ADAMTS16: variants seen among roughly 807,000 people sequenced by gnomAD.
The protein encoded by ADAMTS16 is A disintegrin and metalloproteinase with thrombospondin motifs 16.
In ADAMTS16, 94 loss-of-function variants were observed where a neutral mutation model predicts 145.8. The ratio of observed to expected loss-of-function variants is 0.64; its 90% CI spans 0.55 to 0.77. The LOEUF (loss-of-function observed/expected upper bound fraction) is 0.77, where lower values mean the gene tolerates loss of function less well. Among genes scored for constraint, ADAMTS16 ranks in the 30% least tolerant of loss-of-function variants. ADAMTS16 has a pLI of 0.00. For synonymous variants in ADAMTS16, 659 were observed against 604.3 expected (o/e 1.09, Z -1.33); for missense variants, 1,585 against 1,591.5 (o/e 1.00, Z 0.07).
At chr5:5,297,697 G>GTATC (rs935019732) in intron 18 of ADAMTS16, among the ~76,000 whole-genome samples, 2 of 152,196 alleles carry the variant, frequency 1.3e-5, no homozygotes, top group African/African-American at 4.8e-5. Flanking sequence ...CCTCGGAGTA[G>GTATC]TATCTCCTCC....
intron 8 of ADAMTS16, among the ~76,000 whole-genome samples, chr5:5,198,143 CAATTTCTGGACCGT>C (rs894646900): frequency 1.8e-4 from 28 of 152,176 alleles, no homozygotes; most frequent in Admixed American, 1.4e-3. Flanking sequence ...TTATCGAGGG[CAATTTCTGGACCGT>C]AATGTGTCTT....
chr5:5,267,356 C>G (rs1738279814), intron 18 of ADAMTS16, among the ~76,000 whole-genome samples: 1 of 152,186 alleles, frequency 6.6e-6, no homozygotes, highest in Non-Finnish European at 1.5e-5. Context: ...GGGTTATCGC[C>G]TTGGTGTGCT....
Position 5,287,949 on chromosome 5 carries a change from C to A in ADAMTS16, c.2790-15319C>A, listed in dbSNP as rs1314786280. On this transcript the variant is annotated intron_variant, in intron 18 of 22. Coordinates refer to ENST00000274181, the MANE Select transcript of ADAMTS16 (RefSeq NM_139056.4). ...CATCCAGGTTCGCTGCAGGAGGACA[C>A]CTGGAAAAAAATCTCAGAAAAACGG... Among the ~76,000 whole-genome samples the A allele has an allele frequency of 5.9e-5, 9 of 151,988 alleles. No homozygotes were observed. The South Asian group carries it at 1.9e-3, about 31-fold the overall frequency.
chr5:5,161,513 A>T (rs141992172), intron 3 of ADAMTS16, among the ~76,000 whole-genome samples: 1 of 152,332 alleles, frequency 6.6e-6, no homozygotes, highest in East Asian at 1.9e-4. Flanking sequence ...ACAGTTAATT[A>T]TCATGTTGGG....
At chr5:5,194,773 T>G (rs1307555784) in intron 8 of ADAMTS16, among the ~76,000 whole-genome samples, 1 of 152,186 alleles carries the variant, frequency 6.6e-6, no homozygotes, top group East Asian at 1.9e-4. Flanking sequence ...ACGGTCTGCT[T>G]TTATCAATGA....
intron 18 of ADAMTS16, among the ~76,000 whole-genome samples, chr5:5,300,098 G>A (rs766593618): frequency 1.3e-5 from 2 of 152,180 alleles, no homozygotes; most frequent in African/African-American, 2.4e-5. Flanking sequence ...CAGTTGGAAC[G>A]TCTTAAGATG....
At chr5:5,191,043 C>A (rs1179647779) in intron 7 of ADAMTS16, among the ~76,000 whole-genome samples, 2 of 152,184 alleles carry the variant, frequency 1.3e-5, no homozygotes, top group African/African-American at 4.8e-5. Context: ...CCCTGGTGGA[C>A]AACATTCACC....
intron 17 of ADAMTS16, among the ~76,000 whole-genome samples, chr5:5,245,278 CTGCT>C (rs1737405600): frequency 6.6e-6 from 1 of 152,116 alleles, no homozygotes; most frequent in African/African-American, 2.4e-5. Context: ...CATGTTTTAA[CTGCT>C]TGGATGATTG....
chr5:5,254,256 A>T (rs1737716119), intron 17 of ADAMTS16, among the ~76,000 whole-genome samples: 1 of 152,062 alleles, frequency 6.6e-6, no homozygotes, highest in Admixed American at 6.6e-5. Flanking sequence ...ATCCATCTTA[A>T]CACCTATTCT....
At chr5:5,247,603 G>T (rs557529128) in intron 17 of ADAMTS16, among the ~76,000 whole-genome samples, 2 of 152,288 alleles carry the variant, frequency 1.3e-5, no homozygotes, top group South Asian at 4.1e-4. Context: ...AGGGGTGCCG[G>T]GGTCCCTCCC....
At chr5:5,212,739 A>G (rs1736310687) in intron 10 of ADAMTS16, among the ~76,000 whole-genome samples, 1 of 152,226 alleles carries the variant, frequency 6.6e-6, no homozygotes, top group African/African-American at 2.4e-5. Flanking sequence ...TCATTGAAAC[A>G]AACTCTGACC....
At chr5:5,246,904 G>C (rs2126401047) in intron 17 of ADAMTS16, among the ~76,000 whole-genome samples, 1 of 152,328 alleles carries the variant, frequency 6.6e-6, no homozygotes, top group East Asian at 1.9e-4. Flanking sequence ...GTGTGACAAT[G>C]CAAGATGATA....
intron 22 of ADAMTS16, 150 bp downstream of exon 22, chr5:5,318,431 TC>T: frequency 2.3e-6 from 2 of 858,776 alleles, no homozygotes; most frequent in Non-Finnish European, 3.2e-6. Context: ...AATGAAATGG[TC>T]CATAGAGCAG....
intron 3 of ADAMTS16, among the ~76,000 whole-genome samples, chr5:5,156,970 A>C (rs1734620757): frequency 6.6e-6 from 1 of 152,202 alleles, no homozygotes; most frequent in African/African-American, 2.4e-5. Flanking sequence ...TCCTAGTTGC[A>C]CTTGCTCTCC....
Position 5,259,050 on chromosome 5 carries a change from T to G in ADAMTS16, c.2663-3607T>G, listed in dbSNP as rs906487028. 2.8e-4 allele frequency among the ~76,000 whole-genome samples: 43 copies of G among 152,166 alleles called. 1 individual carries two copies. The highest frequency in any genetic ancestry group is 2.6e-4 in the Admixed American group (4 of 15,284). On this transcript the variant is annotated intron_variant, in intron 17 of 22. Coordinates refer to ENST00000274181, the MANE Select transcript of ADAMTS16 (RefSeq NM_139056.4). The stretch of plus-strand genomic sequence containing the variant: ...GGGCACATTGTTGCCCACCCCTCGG[T>G]ACCCGTGTCCATGCTGGGTGTGACG...
chr5:5,168,631 A>T (rs982762364), intron 3 of ADAMTS16, among the ~76,000 whole-genome samples: 7 of 84,964 alleles, frequency 8.2e-5, no homozygotes, highest in Admixed American at 2.6e-4. Flanking sequence ...TATATTATAT[A>T]TAATATATAT....
At chr5:5,258,595 A>T (rs2126422228) in intron 17 of ADAMTS16, among the ~76,000 whole-genome samples, 1 of 152,280 alleles carries the variant, frequency 6.6e-6, no homozygotes, top group East Asian at 1.9e-4. Context: ...ATTGAAAGGG[A>T]TGAGAAGAAA....
chr5:5,279,538 T>C (rs1337885729), intron 18 of ADAMTS16, among the ~76,000 whole-genome samples: 1 of 152,126 alleles, frequency 6.6e-6, no homozygotes, highest in Non-Finnish European at 1.5e-5. Flanking sequence ...TTCTTTTCAA[T>C]TTGGGGAAAA....
Position 5,146,253 on chromosome 5 carries a change from G to A in ADAMTS16, c.299G>A (p.Arg100Gln), listed in dbSNP as rs772943510. 27 of 1,614,010 alleles carry A rather than the reference G, an allele frequency of 1.7e-5. No homozygotes were observed. In the Middle Eastern group the frequency reaches 4.9e-4, roughly 29 times the overall value. ...PVSEVESLHL[R>Q]LKGSRHDFHM... ...TCCGAGGTTGAGTCTCTTCACCTTC[G>A]GCTGAAAGGCTCCAGGCACGACTTC... Residue 100 changes from arginine (R) to glutamine (Q), a missense_variant, in exon 3 of 23, where the codon CGG becomes CAG. Transcript: ENST00000274181.
Sources: gnomAD v4.1 joint callset for allele counts (sites outside exome capture counted in the v4.1 genomes callset) on GRCh38, gnomAD v4.1.1 for gene constraint, MANE v1.5 for transcripts, NCBI Gene and HGNC (gene_info 2026-07-23, HGNC 2026-07-21) for gene names.